The following DNAH10 variants were observed in gnomAD, a reference collection of about 807,000 sequenced individuals.
The protein encoded by DNAH10 is axonemal beta dynein heavy chain 10.
DNAH10 carries 348 observed loss-of-function variants against 506.6 expected under a neutral mutation model. The ratio of observed to expected loss-of-function variants is 0.69; its 90% CI spans 0.63 to 0.75. The LOEUF (loss-of-function observed/expected upper bound fraction) is 0.75, where lower values mean the gene tolerates loss of function less well. Among genes scored for constraint, DNAH10 ranks in the 30% least tolerant of loss-of-function variants. The pLI is 0.00. For missense variants in DNAH10, 5,179 were observed against 5,787.1 expected (o/e 0.89, Z 3.41); for synonymous variants, 2,059 against 2,198.6 (o/e 0.94, Z 1.78).
chr12:123,805,562 G>T (rs2136300564), intron 18 of DNAH10, among the ~76,000 whole-genome samples: 1 of 152,308 alleles, frequency 6.6e-6, no homozygotes, highest in East Asian at 1.9e-4. Context: ...CATCGCATTG[G>T]TGGCCCACAG....
Position 123,785,067 on chromosome 12 carries a change from TGG to T in DNAH10, c.1231-678_1231-677del, listed in dbSNP as rs1468245376. On this transcript the variant is annotated intron_variant, in intron 8 of 78. Transcript: ENST00000673944. The surrounding 1 kb of genome is among the most constrained non-coding windows in gnomAD (Gnocchi z 4.1). ...GAACATTCTTGTACAAGGATTTGTG[TGG>T]ATGTGTGTTTTTAATTATTCATGTA... Among the ~76,000 whole-genome samples the T allele has an allele frequency of 1.3e-5, 2 of 152,242 alleles. No individual in the cohort carries two copies. The highest frequency in any genetic ancestry group is 2.9e-5 in the Non-Finnish European group (2 of 68,036).
In DNAH10 at chr12:123,783,180, C is replaced by T. The variant is rs1056490421; in HGVS notation, c.915C>T (p.Thr305=). The change falls in exon 7 of 79, where the codon ACC becomes ACT. Residue 305 remains threonine, a synonymous_variant. Coordinates refer to ENST00000673944, the MANE Select transcript of DNAH10 (RefSeq NM_001372106.1). ...EVSDLAADPE[T]VDILEQCVIN... The stretch of plus-strand genomic sequence containing the variant: ...CTGACCTGGCAGCTGACCCGGAAAC[C>T]GTTGACATCTTGGAGCAGTGTGTGA... The T allele has an allele frequency of 5.0e-6, 8 of 1,614,026 alleles. No homozygotes were observed. The highest frequency in any genetic ancestry group is 1.7e-5 in the Admixed American group (1 of 59,988).
chr12:123,809,308 C>T (rs921277524), intron 19 of DNAH10, among the ~76,000 whole-genome samples: 6 of 152,072 alleles, frequency 3.9e-5, no homozygotes, highest in African/African-American at 1.4e-4. Flanking sequence ...AGTGACGTTC[C>T]ATCAATCCAT....
In DNAH10 at chr12:123,857,211, C is replaced by G; in HGVS notation, c.6594C>G (p.Val2198=). Residue 2198 remains valine (V), a synonymous_variant, in exon 37 of 79, where the codon GTC becomes GTG. Transcript: ENST00000673944. ...ACTTCAACGATGCGGTAGAGCAGGT[C>G]CTGGAGGAGAACGGCTACGCGGTCC... ...YPDFNDAVEQ[V]LEENGYAVLP... 1 of 1,599,242 alleles carries G rather than the reference C, an allele frequency of 6.3e-7. No individual in the cohort carries two copies. Among genetic ancestry groups the G allele is most frequent in the Non-Finnish European group, 8.5e-7 (1 of 1,172,448 alleles).
At chr12:123,880,109 T>TA (rs1307540586) in intron 50 of DNAH10, among the ~76,000 whole-genome samples, 1 of 152,158 alleles carries the variant, frequency 6.6e-6, no homozygotes, top group Non-Finnish European at 1.5e-5. Flanking sequence ...TCATTTTCAT[T>TA]TAAATTCATG....
chr12:123,772,647 A>G (rs1292329178), intron 3 of DNAH10, among the ~76,000 whole-genome samples, 187 bp from the exon 4 acceptor site: 1 of 152,208 alleles, frequency 6.6e-6, no homozygotes, highest in Non-Finnish European at 1.5e-5. Flanking sequence ...TCAGGCTGAC[A>G]GCTCAGAGTC....
At chr12:123,821,928 C>T (rs547163697) in intron 24 of DNAH10, among the ~76,000 whole-genome samples, 6 of 151,456 alleles carry the variant, frequency 4.0e-5, no homozygotes, top group South Asian at 2.1e-4. Flanking sequence ...AAAAAAGTTC[C>T]GGGCACAGTG....
chr12:123,823,181 T>TCCAG (rs1043553233), intron 24 of DNAH10, among the ~76,000 whole-genome samples: 2 of 152,228 alleles, frequency 1.3e-5, no homozygotes, highest in Admixed American at 6.5e-5. Context: ...AACAAGGCTT[T>TCCAG]CCAGGCAGAG....
intron 54 of DNAH10, among the ~76,000 whole-genome samples, chr12:123,896,148 C>CACACACACACACACAGAGAG (rs1383690518): frequency 6.3e-5 from 6 of 95,268 alleles, no homozygotes; most frequent in South Asian, 3.7e-4. Flanking sequence ...CACACACACA[C>CACACACACACACACAGAGAG]AGAGAGAGAG....
chr12:123,882,832 C>G (rs1010244160), intron 51 of DNAH10, among the ~76,000 whole-genome samples: 1 of 142,232 alleles, frequency 7.0e-6, no homozygotes, highest in Non-Finnish European at 1.5e-5. Flanking sequence ...TTTGTGGTTT[C>G]AAAAAGAAAA....
intron 17 of DNAH10, among the ~76,000 whole-genome samples, chr12:123,804,342 G>A (rs111893558): frequency 4.6e-5 from 7 of 151,984 alleles, no homozygotes; most frequent in Non-Finnish European, 1.0e-4. Context: ...TGGCTAACAC[G>A]GTGAAACCCT....
intron 78 of DNAH10, 187 bp downstream of exon 78, chr12:123,934,953 T>C: frequency 1.3e-6 from 1 of 748,250 alleles, no homozygotes; most frequent in South Asian, 1.9e-5. Context: ...CGCGGCTGTA[T>C]GTGTGTGTGG....
rs1459495865 is a variant in DNAH10 at position 123,805,119 on chromosome 12, T to TG, written c.2987+81dup. The stretch of plus-strand genomic sequence containing the variant: ...GACAAATATGGACAGTTAGAGGGGG[T>TG]GGCAAGGTAGAGAATGAAAATCAGT... On this transcript the variant is annotated intron_variant, in intron 18 of 78. Transcript: ENST00000673944. 4 of 1,438,934 alleles carry TG rather than the reference T, an allele frequency of 2.8e-6. No homozygotes were observed. In the African/African-American group the frequency reaches 5.6e-5, roughly 20 times the overall value. The allele number at this position is 1,438,934 out of a possible 1,614,324, so 89.1% of individuals were successfully genotyped here. A position where few individuals can be genotyped will look rare whatever the true frequency, so the allele number is the denominator to read the frequency against.
intron 47 of DNAH10, 31 bp downstream of exon 47, chr12:123,875,522 G>T (rs202056946): frequency 6.2e-7 from 1 of 1,610,764 alleles, no homozygotes; most frequent in Non-Finnish European, 8.5e-7. Flanking sequence ...AGTCTAAACC[G>T]GAAGACCTTG....
At position 123,825,470 on chromosome 12, in the gene DNAH10, A is replaced by T. The variant is rs183778579; in HGVS notation, c.4180-1217A>T. Among the ~76,000 whole-genome samples the T allele has an allele frequency of 8.7e-4, 133 of 152,364 alleles. 1 individual carries two copies. The highest frequency in any genetic ancestry group is 7.3e-3 in the Admixed American group (112 of 15,306). On this transcript the variant is annotated intron_variant, in intron 24 of 78. Coordinates refer to ENST00000673944, the MANE Select transcript of DNAH10 (RefSeq NM_001372106.1). ...ACTCAGCAAGGTAGAGGATTGAACC[A>T]GTTCTCAGCGCATCCACGCAACAAC...
intron 24 of DNAH10, among the ~76,000 whole-genome samples, chr12:123,826,181 T>G: frequency 6.6e-6 from 1 of 151,936 alleles, no homozygotes; most frequent in East Asian, 1.9e-4. Context: ...ACACAGAAAA[T>G]CTTCTCTTTA....
intron 33 of DNAH10, 127 bp from the exon 34 acceptor site, chr12:123,848,603 G>T (rs1951045820): frequency 7.5e-7 from 1 of 1,325,414 alleles, no homozygotes; most frequent in African/African-American, 1.5e-5. Context: ...CAAGTGGCTG[G>T]TCACCTGCTT....
intron 10 of DNAH10, among the ~76,000 whole-genome samples, chr12:123,789,263 A>C (rs911384168): frequency 6.6e-6 from 1 of 151,936 alleles, no homozygotes; most frequent in East Asian, 1.9e-4. Flanking sequence ...AACAAAAAAT[A>C]TTTAACTTCT....
rs1221776555 is a variant in DNAH10 at position 123,881,684 on chromosome 12, T to C, written c.8694T>C (p.Asp2898=). ...NTKMNLVLFD[D]ALEHLTRVHR... Reference sequence around the variant, plus strand: ...AAATGAACTTGGTTCTCTTCGACGATGCTCTGGAGCATTTAACCCGGGTGC... The same window carrying C: ...AAATGAACTTGGTTCTCTTCGACGACGCTCTGGAGCATTTAACCCGGGTGC... The change falls in exon 51 of 79, where the codon GAT becomes GAC. Residue 2898 remains aspartate, a synonymous_variant. Coordinates refer to ENST00000673944, the MANE Select transcript of DNAH10 (RefSeq NM_001372106.1). 4.5e-6 allele frequency: 7 copies of C among 1,548,816 alleles called. No homozygotes were observed. The highest frequency in any genetic ancestry group is 1.4e-5 in the African/African-American group (1 of 72,846).
Sources: gnomAD v4.1 joint callset for allele counts (sites outside exome capture counted in the v4.1 genomes callset) on GRCh38, gnomAD v4.1.1 for gene constraint, Gnocchi (gnomAD v3.1) non-coding constraint, MANE v1.5 for transcripts, NCBI Gene and HGNC (gene_info 2026-07-23, HGNC 2026-07-21) for gene names.